The following MPP3 variants were observed in gnomAD, a reference collection of about 807,000 sequenced individuals.
The protein encoded by MPP3 is MAGUK p55 subfamily member 3.
A neutral mutation model predicts 80.7 loss-of-function variants in MPP3; 48 were observed. The observed-to-expected ratio is 0.59, with a 90% CI of 0.47 to 0.76. The LOEUF is 0.76. Among genes scored for constraint, MPP3 ranks in the 30% least tolerant of loss-of-function variants. The pLI is 0.00. For synonymous variants in MPP3, 311 were observed against 297.6 expected (o/e 1.04, Z -0.46); for missense variants, 620 against 763.0 (o/e 0.81, Z 2.21).
rs1260369859 is a variant in MPP3, at chr17:43,831,208, T to G, written c.222+36A>C. 2.5e-6 allele frequency: 4 copies of G among 1,600,402 alleles called. No individual in the cohort carries two copies. The African/African-American group carries it at 5.4e-5, about 22-fold the overall frequency. Reference sequence around the variant, plus strand: ...TGAAGGAGCCCTACAGGGTGGGGAGTGGGGCAGACACTGTAAGGAGAAACC... The same window carrying G: ...TGAAGGAGCCCTACAGGGTGGGGAGGGGGGCAGACACTGTAAGGAGAAACC... On this transcript the variant is annotated intron_variant, in intron 5 of 19. Transcript: ENST00000398389.
intron 5 of MPP3, among the ~76,000 whole-genome samples, chr17:43,830,362 C>T (rs116512001): frequency 0.015 from 2,239 of 152,306 alleles, 64 homozygotes; most frequent in African/African-American, 0.051. Context: ...ACTGAACCCT[C>T]GCAACCAACT....
At chr17:43,815,568 T>G (rs1392694385) in intron 14 of MPP3, among the ~76,000 whole-genome samples, 2 of 151,958 alleles carry the variant, frequency 1.3e-5, no homozygotes, top group African/African-American at 4.8e-5. Flanking sequence ...CACACACTAC[T>G]GCACTCCAGC....
intron 11 of MPP3, 33 bp from the exon 12 acceptor site, chr17:43,818,143 G>T: frequency 6.9e-7 from 1 of 1,459,348 alleles, no homozygotes; most frequent in Non-Finnish European, 9.1e-7. Flanking sequence ...GCGGGCCCGT[G>T]AGCTGGGCCA....
In MPP3 at chr17:43,830,054, G is replaced by A. The variant is rs1250108026; in HGVS notation, c.276C>T (p.Leu92=). The change falls in exon 6 of 20, where the codon CTC becomes CTT. Residue 92 remains leucine, a synonymous_variant. Coordinates refer to ENST00000398389, the MANE Select transcript of MPP3 (RefSeq NM_001932.6). ...ASVHSDEREL[L]QLLSTPHLRA... is the part of the protein sequence containing the mutation. ...TCAGGTGCGGGGTGGACAGCAGCTG[G>A]AGCAGCTCCCTCTCATCACTGTGCA... The A allele has an allele frequency of 6.3e-7, 1 of 1,592,756 alleles. No individual in the cohort carries two copies. Among genetic ancestry groups the A allele is most frequent in the Non-Finnish European group, 8.5e-7 (1 of 1,170,924 alleles).
intron 16 of MPP3, among the ~76,000 whole-genome samples, chr17:43,813,348 A>T (rs964520586): frequency 2.0e-5 from 3 of 152,086 alleles, no homozygotes; most frequent in Non-Finnish European, 2.9e-5. Context: ...CTCTCTTCTC[A>T]GGGGTACTGG....
At chr17:43,823,663 T>G (rs1289964649) in intron 10 of MPP3, among the ~76,000 whole-genome samples, 1 of 152,192 alleles carries the variant, frequency 6.6e-6, no homozygotes, top group East Asian at 1.9e-4. Flanking sequence ...CTCCTCCTCT[T>G]CATGGCCCTG....
At chr17:43,824,213 ATTT>A (rs903814272) in intron 9 of MPP3, among the ~76,000 whole-genome samples, 1 of 152,166 alleles carries the variant, frequency 6.6e-6, no homozygotes, top group Non-Finnish European at 1.5e-5. Flanking sequence ...ATTTTTTAGT[ATTT>A]TTATTATTTT....
rs777705327 is a variant in MPP3, at chr17:43,823,922, TC to T, written c.684+8del. 1 of 1,606,230 alleles carries T rather than the reference TC, an allele frequency of 6.2e-7. No individual in the cohort carries two copies. Among genetic ancestry groups the T allele is most frequent in the South Asian group, 1.1e-5 (1 of 89,662 alleles). ...TGAGAGAGGGCACCGCGGACCCACC[TC>T]CCCATACCTTGCTCTCCTTTAAGCG... On this transcript the variant is annotated splice_region_variant and intron_variant, in intron 10 of 19. Coordinates refer to ENST00000398389, the MANE Select transcript of MPP3 (RefSeq NM_001932.6).
intron 7 of MPP3, among the ~76,000 whole-genome samples, chr17:43,828,858 A>G (rs1194721744): frequency 6.6e-6 from 1 of 152,196 alleles, no homozygotes; most frequent in Non-Finnish European, 1.5e-5. Context: ...CCTGGATAGG[A>G]GGGCTCACAA....
At chr17:43,806,383 C>G (rs995296919) in intron 19 of MPP3, among the ~76,000 whole-genome samples, 1 of 152,010 alleles carries the variant, frequency 6.6e-6, no homozygotes, top group Non-Finnish European at 1.5e-5. Context: ...CCAGGCTGAT[C>G]TCGAACTCCT....
At chr17:43,832,024 T>TA in intron 2 of MPP3, 81 bp from the exon 3 acceptor site, 1 of 868,840 alleles carries the variant, frequency 1.2e-6, no homozygotes, top group Non-Finnish European at 1.9e-6. Flanking sequence ...TCTACTGTGT[T>TA]CTCTGAGACC....
chr17:43,826,519 C>T (rs565848552), intron 8 of MPP3, among the ~76,000 whole-genome samples: 35 of 152,188 alleles, frequency 2.3e-4, no homozygotes, highest in Non-Finnish European at 4.1e-4. Flanking sequence ...TTCTCTGCAA[C>T]GATGACCCCC....
intron 14 of MPP3, 26 bp downstream of exon 14, chr17:43,816,012 T>A: frequency 1.3e-6 from 2 of 1,482,416 alleles, no homozygotes; most frequent in Non-Finnish European, 8.9e-7. Context: ...AGGTCGTGCA[T>A]GTGGGTGTCA....
intron 14 of MPP3, chr17:43,815,794 G>A: frequency 1.5e-6 from 1 of 679,304 alleles, no homozygotes; most frequent in Admixed American, 2.1e-5. Flanking sequence ...ATGTAGGGGT[G>A]TGTGTGCCTT....
At chr17:43,825,729 C>T in intron 9 of MPP3, 27 bp downstream of exon 9, 1 of 1,504,582 alleles carries the variant, frequency 6.6e-7, no homozygotes, top group South Asian at 1.1e-5. Context: ...AGACCCAGCA[C>T]ATCCCTAGCA....
chr17:43,809,646 G>A (rs1248379152), intron 18 of MPP3, among the ~76,000 whole-genome samples: 4 of 152,156 alleles, frequency 2.6e-5, no homozygotes, highest in South Asian at 2.1e-4. Context: ...TTGGGAGGCC[G>A]AGCCGGGTGG....
intron 11 of MPP3, chr17:43,818,914 C>T (rs1017661571): frequency 1.1e-4 from 14 of 129,098 alleles, no homozygotes; most frequent in South Asian, 2.4e-4. Context: ...CCAGCCTGGG[C>T]AAGAGTGAAA....
At chr17:43,806,994 TG>T (rs1329539752) in intron 19 of MPP3, among the ~76,000 whole-genome samples, 1 of 151,918 alleles carries the variant, frequency 6.6e-6, no homozygotes. Context: ...TTTTTTTAGA[TG>T]GAGTCTTGCT....
chr17:43,817,165 G>A (rs1234309085), intron 12 of MPP3, among the ~76,000 whole-genome samples: 1 of 152,188 alleles, frequency 6.6e-6, no homozygotes, highest in Non-Finnish European at 1.5e-5. Flanking sequence ...TGCTCAGGCC[G>A]CTCACTCGGT....
Sources: allele counts gnomAD v4.1 joint callset (sites outside exome capture counted in the v4.1 genomes callset), GRCh38; gene constraint gnomAD v4.1.1; transcripts MANE v1.5; gene names NCBI Gene and HGNC (gene_info 2026-07-23, HGNC 2026-07-21).